Variants in ZNF419 observed in about 807,000 individuals in gnomAD.
The protein encoded by ZNF419 is zinc finger protein 419A.
In ZNF419, 8 loss-of-function variants were observed where a neutral mutation model predicts 14.9. The ratio of observed to expected loss-of-function variants is 0.54; its 90% CI spans 0.32 to 0.97. The LOEUF is 0.97. Ranked by LOEUF, ZNF419 falls within the 50% of genes least tolerant of loss-of-function variation. ZNF419 has a pLI of 0.04. For missense variants in ZNF419, 595 were observed against 607.2 expected, an observed-to-expected ratio of 0.98 and a Z score of 0.21; for synonymous variants, 211 against 205.3, an observed-to-expected ratio of 1.03 and a Z score of -0.24.
At chr19:57,490,307 G>C in intron 2 of ZNF419, 122 bp downstream of exon 2, 1 of 843,866 alleles carries the variant, frequency 1.2e-6, no homozygotes, top group Non-Finnish European at 1.9e-6. Flanking sequence ...GAGTTCCCTG[G>C]AAGATGGTCA....
Position 57,493,048 on chromosome 19 carries a change from T to G in ZNF419, c.491T>G (p.Val164Gly), listed in dbSNP as rs1477743044. The G allele has an allele frequency of 2.5e-6, 4 of 1,613,938 alleles. No individual in the cohort carries two copies. The Admixed American group carries it at 6.7e-5, about 27-fold the overall frequency. The change falls in exon 5 of 5, where the codon GTT (valine) becomes GGT (glycine). Residue 164 changes from valine (V) to glycine (G), a missense_variant. Transcript: ENST00000221735. ...LSEKSLQSRE[V>G]GKALLISSGV... Reference sequence around the variant, plus strand: ...GAGAAGTCCTTGCAAAGCAGGGAGGTTGGGAAGGCCCTCCTGATCAGCTCA... The same window carrying G: ...GAGAAGTCCTTGCAAAGCAGGGAGGGTGGGAAGGCCCTCCTGATCAGCTCA...
intron 2 of ZNF419, 155 bp downstream of exon 2, chr19:57,490,340 C>T (rs1265598801): frequency 1.2e-5 from 7 of 575,116 alleles, no homozygotes; most frequent in Non-Finnish European, 1.8e-5. Context: ...GCCCTGAGTC[C>T]AGACTATATA....
Position 57,487,782 on chromosome 19 carries a change from C to A in ZNF419, c.-169C>A. Reference sequence around the variant, plus strand: ...ACTTTCGCGACTCAGGTGAACTAACCTGCGAGAAGCTGGTTGTGCGCTGAG... The same window carrying A: ...ACTTTCGCGACTCAGGTGAACTAACATGCGAGAAGCTGGTTGTGCGCTGAG... On this transcript the variant is annotated 5_prime_UTR_variant, in exon 1 of 5. The change creates a new upstream start codon in the 5' untranslated region. Transcript: ENST00000221735. 1.1e-6 allele frequency: 1 copy of A among 912,278 alleles called. No homozygotes were observed. Among genetic ancestry groups the A allele is most frequent in the Non-Finnish European group, 1.7e-6 (1 of 586,006 alleles). 56.5% of individuals were successfully genotyped at this position (912,278 alleles called of 1,614,324 possible).
Position 57,494,412 on chromosome 19 carries a change from C to G in ZNF419, c.*322C>G. 1 of 287,758 alleles carries G rather than the reference C, an allele frequency of 3.5e-6. No homozygotes were observed. The highest frequency in any genetic ancestry group is 6.2e-6 in the Non-Finnish European group (1 of 160,310). 17.8% of individuals were successfully genotyped at this position (287,758 alleles called of 1,614,324 possible). A position where few individuals can be genotyped will look rare whatever the true frequency, so the allele number is the denominator to read the frequency against. On this transcript the variant is annotated 3_prime_UTR_variant, in exon 5 of 5. Transcript: ENST00000221735. The stretch of plus-strand genomic sequence containing the variant: ...TATGAGGGAGCTGGCAATTGAACAT[C>G]ATTCATCTAAATATGCACACTGGAG...
rs766543644 is a variant in ZNF419, at chr19:57,492,298, C to T, written c.298+87C>T. On this transcript the variant is annotated intron_variant, in intron 4 of 4. Transcript: ENST00000221735. ...AGGCCCAGATATTTTGATACCAAGGCAAGGGGTTGTCGCTGATTTCTATCT... is the reference window on the plus strand; with the variant it reads ...AGGCCCAGATATTTTGATACCAAGGTAAGGGGTTGTCGCTGATTTCTATCT... 6 of 1,423,090 alleles carry T rather than the reference C, an allele frequency of 4.2e-6. No homozygotes were observed. The African/African-American group carries it at 7.0e-5, about 17-fold the overall frequency. 88.2% of individuals were successfully genotyped at this position (1,423,090 alleles called of 1,614,324 possible).
rs1436786415 is a variant in ZNF419 at position 57,493,294 on chromosome 19, T to G, written c.737T>G (p.Leu246Arg). ...CGKLFRDMSNLFIHQIVHTGE... is the reference protein window; with the variant it reads ...CGKLFRDMSNRFIHQIVHTGE... ...AAGTTATTTAGAGATATGTCCAACC[T>G]TTTTATACACCAAATAGTTCACACT... is the stretch of plus-strand genomic sequence containing the variant. Residue 246 changes from leucine (L) to arginine (R), a missense_variant, in exon 5 of 5, where the codon CTT (leucine) becomes CGT (arginine). Leu to Arg is a moderately radical substitution (Grantham distance 102). Transcript: ENST00000221735. 6.2e-6 allele frequency: 10 copies of G among 1,614,118 alleles called. No individual in the cohort carries two copies. The African/African-American group carries it at 9.3e-5, about 15-fold the overall frequency.
intron 4 of ZNF419, chr19:57,492,614 G>A: frequency 1.3e-6 from 1 of 754,460 alleles, no homozygotes; most frequent in Non-Finnish European, 2.4e-6. Context: ...TGGGGACACT[G>A]CCTCTCCTCC....
intron 1 of ZNF419, chr19:57,489,484 C>CTTTTTTTTTTTTTTTTTTTTTTTTTT (rs10602834): frequency 2.3e-5 from 2 of 85,426 alleles, no homozygotes; most frequent in African/African-American, 4.6e-5. Flanking sequence ...TTCTTTCTTT[C>CTTTTTTTTTTTTTTTTTTTTTTTTTT]TTTTTTTTTT....
chr19:57,493,571 T>C lies in ZNF419; in HGVS notation c.1014T>C (p.Thr338=), dbSNP rs746938483. The C allele has an allele frequency of 8.1e-6, 13 of 1,608,934 alleles. No homozygotes were observed. Among genetic ancestry groups the C allele is most frequent in the Non-Finnish European group, 8.5e-6 (10 of 1,175,764 alleles). ...TCATGAAACATCAGAGAATTCACAC[T>C]GGAGAAAGACCTTATAAGTGCAGTG... The part of the protein sequence containing the change: ...SSLMKHQRIH[T]GERPYKCSEC... The change falls in exon 5 of 5, where the codon ACT becomes ACC. Residue 338 remains threonine (T), a synonymous_variant. Coordinates refer to ENST00000221735, the MANE Select transcript of ZNF419 (RefSeq NM_024691.4).
chr19:57,494,426 T>C lies in ZNF419; in HGVS notation c.*336T>C, dbSNP rs1047125592. The C allele has an allele frequency of 7.8e-6, 2 of 256,834 alleles. No homozygotes were observed. The highest frequency in any genetic ancestry group is 1.4e-5 in the Non-Finnish European group (2 of 139,560). The allele number at this position is 256,834 out of a possible 1,614,324, so 15.9% of individuals were successfully genotyped here. On this transcript the variant is annotated 3_prime_UTR_variant, in exon 5 of 5. Coordinates refer to ENST00000221735, the MANE Select transcript of ZNF419 (RefSeq NM_024691.4). ...CAATTGAACATCATTCATCTAAATA[T>C]GCACACTGGAGGCAAGATGAGAATT...
At position 57,493,582 on chromosome 19, in the gene ZNF419, C is replaced by T; in HGVS notation, c.1025C>T (p.Pro342Leu). Reference protein sequence around the residue: ...KHQRIHTGERPYKCSECGKFY... With the variant: ...KHQRIHTGERLYKCSECGKFY... ...CAGAGAATTCACACTGGAGAAAGAC[C>T]TTATAAGTGCAGTGAATGTGGAAAA... is the stretch of plus-strand genomic sequence containing the variant. The change falls in exon 5 of 5, where the codon CCT (proline) becomes CTT (leucine). Residue 342 changes from proline to leucine, a missense_variant. By Grantham distance (98) the Pro-to-Leu change is moderately conservative (BLOSUM62 -3). Coordinates refer to ENST00000221735, the MANE Select transcript of ZNF419 (RefSeq NM_024691.4). The T allele has an allele frequency of 3.1e-6, 5 of 1,609,288 alleles. No homozygotes were observed. The highest frequency in any genetic ancestry group is 4.3e-6 in the Non-Finnish European group (5 of 1,176,010).
chr19:57,491,559 A>G lies in ZNF419; in HGVS notation c.161A>G (p.Asn54Ser). The G allele has an allele frequency of 1.9e-6, 3 of 1,614,066 alleles. No homozygotes were observed. Among genetic ancestry groups the G allele is most frequent in the Non-Finnish European group, 2.5e-6 (3 of 1,180,010 alleles). The change falls in exon 3 of 5, where the codon AAT (asparagine) becomes AGT (serine). Residue 54 changes from asparagine to serine, a missense_variant. Coordinates refer to ENST00000221735, the MANE Select transcript of ZNF419 (RefSeq NM_024691.4). ...GACGCTCAGAGGCTCCTCTACCGCA[A>G]TGTGATGCTGGAGAACTTTACACTT... Reference protein sequence around the residue: ...LDDAQRLLYRNVMLENFTLLA... With the variant: ...LDDAQRLLYRSVMLENFTLLA...
In ZNF419 at chr19:57,492,207, G is replaced by A. The variant is rs371421259; in HGVS notation, c.294G>A (p.Pro98=). Residue 98 remains proline (P), a synonymous_variant, in exon 4 of 5, where the codon CCG becomes CCA. Coordinates refer to ENST00000221735, the MANE Select transcript of ZNF419 (RefSeq NM_024691.4). ...PAWEVVTSAI[P]RGCWHGAEAE... ...GGGAAGTTGTGACTTCAGCCATACC[G>A]AGAGGTAGTTGGTGGGTGGAGCTCA... is the stretch of plus-strand genomic sequence containing the variant. 97 of 1,614,118 alleles carry A rather than the reference G, an allele frequency of 6.0e-5. 1 individual carries two copies. The highest frequency in any genetic ancestry group is 4.1e-4 in the South Asian group (37 of 91,070).
In ZNF419 at chr19:57,495,389, C is replaced by T. The variant is rs1239354901; in HGVS notation, c.*1299C>T. The T allele has an allele frequency of 6.6e-6, 1 of 152,066 alleles. No individual in the cohort carries two copies. Among genetic ancestry groups the T allele is most frequent in the Non-Finnish European group, 1.5e-5 (1 of 68,016 alleles). The allele number at this position is 152,066 out of a possible 1,614,324, so 9.4% of individuals were successfully genotyped here. On this transcript the variant is annotated 3_prime_UTR_variant, in exon 5 of 5. Coordinates refer to ENST00000221735, the MANE Select transcript of ZNF419 (RefSeq NM_024691.4). ...TCCATTTGTTATTTTATTCATTGTGCATTTGGTGTTGCATCCTCTTACTAT... is the reference window on the plus strand; with the variant it reads ...TCCATTTGTTATTTTATTCATTGTGTATTTGGTGTTGCATCCTCTTACTAT...
chr19:57,494,566 G>T lies in ZNF419; in HGVS notation c.*476G>T, dbSNP rs1490891839. ...TGGAGTTTTGATCTCGCTGAGTTTG[G>T]AGTTGGGGGAGGAAAGGAGTGGTCT... On this transcript the variant is annotated 3_prime_UTR_variant, in exon 5 of 5. Transcript: ENST00000221735. The T allele has an allele frequency of 6.0e-6, 1 of 166,046 alleles. No individual in the cohort carries two copies. The highest frequency in any genetic ancestry group is 1.3e-5 in the Non-Finnish European group (1 of 77,832). The allele number at this position is 166,046 out of a possible 1,614,324, so 10.3% of individuals were successfully genotyped here. A position where few individuals can be genotyped will look rare whatever the true frequency, so the allele number is the denominator to read the frequency against.
chr19:57,490,274 C>A, intron 2 of ZNF419, 89 bp downstream of exon 2: 1 of 1,258,936 alleles, frequency 7.9e-7, no homozygotes, highest in Non-Finnish European at 1.1e-6. Context: ...TCCTTGCTGG[C>A]TATTCTCCCT....
At chr19:57,492,789 T>C (rs570264374) in intron 4 of ZNF419, 67 bp from the exon 5 acceptor site, 145 of 1,597,944 alleles carry the variant, frequency 9.1e-5, no homozygotes, top group Non-Finnish European at 1.0e-4. Context: ...GTTAGACACA[T>C]CTGTGAGAGT....
Position 57,493,079 on chromosome 19 carries a change from T to C in ZNF419, c.522T>C (p.Val174=). Residue 174 remains valine, a synonymous_variant, in exon 5 of 5, where the codon GTT becomes GTC. Transcript: ENST00000221735. ...AGGCCCTCCTGATCAGCTCAGGTGT[T>C]CTCAAGCACCAGGTGACTCACACAG... The part of the protein sequence containing the change: ...VGKALLISSG[V]LKHQVTHTGE... The C allele has an allele frequency of 6.2e-7, 1 of 1,614,068 alleles. No individual in the cohort carries two copies. The highest frequency in any genetic ancestry group is 8.5e-7 in the Non-Finnish European group (1 of 1,179,966).
At chr19:57,492,603 T>A (rs1219711138) in intron 4 of ZNF419, 21 of 750,658 alleles carry the variant, frequency 2.8e-5, no homozygotes, top group Non-Finnish European at 4.9e-5. Context: ...GAGGATTGTG[T>A]TGGGGACACT....
Sources: gnomAD v4.1 joint callset for allele counts on GRCh38, gnomAD v4.1.1 for gene constraint, MANE v1.5 for transcripts, NCBI Gene and HGNC (gene_info 2026-07-23, HGNC 2026-07-21) for gene names.